Variants in ARHGAP35 observed in about 807,000 individuals in gnomAD.
ARHGAP35 encodes the protein rho GTPase-activating protein 35.
Under a neutral mutation model 111.1 loss-of-function variants are expected in ARHGAP35, and 15 were observed. The observed-to-expected ratio is 0.13, with a 90% CI of 0.09 to 0.21. The LOEUF is 0.21. Among genes scored for constraint, ARHGAP35 ranks in the 10% least tolerant of loss-of-function variants. The pLI, the probability that ARHGAP35 is intolerant of heterozygous loss-of-function variation, is 1.00. For synonymous variants in ARHGAP35, 643 were observed against 710.3 expected, an observed-to-expected ratio of 0.91 and a Z score of 1.51; for missense variants, 1,262 against 1,873.0, an observed-to-expected ratio of 0.67 and a Z score of 6.02.
chr19:46,943,440 C>G (rs967539247), intron 3 of ARHGAP35, among the ~76,000 whole-genome samples: 1 of 152,108 alleles, frequency 6.6e-6, no homozygotes, highest in African/African-American at 2.4e-5. Context: ...AATAATTGAA[C>G]GAATTGTGAG....
intron 1 of ARHGAP35, among the ~76,000 whole-genome samples, chr19:46,876,325 G>C (rs529465571): frequency 6.6e-6 from 1 of 151,688 alleles, no homozygotes; most frequent in Non-Finnish European, 1.5e-5. Flanking sequence ...CCTCTGAGTA[G>C]CTGGGACCAC....
chr19:46,983,645 G>A (rs1030926023), intron 3 of ARHGAP35, among the ~76,000 whole-genome samples: 12 of 116,526 alleles, frequency 1.0e-4, no homozygotes, highest in Non-Finnish European at 1.9e-4. Context: ...ACAGAGTCTC[G>A]CTTTGTCACC....
At chr19:46,966,275 G>A (rs1031513873) in intron 3 of ARHGAP35, among the ~76,000 whole-genome samples, 14 of 152,190 alleles carry the variant, frequency 9.2e-5, no homozygotes, top group African/African-American at 2.9e-4. Context: ...GAGGCCAGGC[G>A]CAGTGGCTCA....
intron 3 of ARHGAP35, chr19:46,948,953 C>T (rs577743564): frequency 9.9e-5 from 15 of 152,264 alleles, no homozygotes; most frequent in African/African-American, 3.6e-4. Context: ...GTCAGGAGAT[C>T]AAGACCATCC....
At chr19:46,867,736 A>C (rs2055866092) in intron 1 of ARHGAP35, among the ~76,000 whole-genome samples, 1 of 152,108 alleles carries the variant, frequency 6.6e-6, no homozygotes, top group African/African-American at 2.4e-5. Context: ...TGTTGACAGA[A>C]GATAAACAGG....
Position 46,921,954 on chromosome 19 carries a change from T to C in ARHGAP35, c.3279T>C (p.Ala1093=). Residue 1093 remains alanine (A), a synonymous_variant, in exon 2 of 7, where the codon GCT becomes GCC. Transcript: ENST00000672722. The surrounding 1 kb of genome is among the most constrained non-coding windows in gnomAD (Gnocchi z 4.3). ...DPSDYAEPMD[A]VVKPRNEEEN... is the part of the protein sequence containing the mutation. ...CTGACTATGCTGAACCCATGGATGC[T>C]GTGGTGAAGCCAAGGAATGAAGAAG... The C allele has an allele frequency of 6.2e-7, 1 of 1,613,988 alleles. No homozygotes were observed. Among genetic ancestry groups the C allele is most frequent in the Non-Finnish European group, 8.5e-7 (1 of 1,179,884 alleles).
rs1422740595 is a variant in ARHGAP35 at position 46,948,861 on chromosome 19, A to G, written c.3826+11453A>G. On this transcript the variant is annotated intron_variant, in intron 3 of 6. Coordinates refer to ENST00000672722, the MANE Select transcript of ARHGAP35 (RefSeq NM_004491.5). ...TGATCATTTCACTCATGTATTACATATTTCAAAATTATCGGGCCAGGCGCG... is the reference window on the plus strand; with the variant it reads ...TGATCATTTCACTCATGTATTACATGTTTCAAAATTATCGGGCCAGGCGCG... 6 of 152,342 alleles carry G rather than the reference A, an allele frequency of 3.9e-5. No individual in the cohort carries two copies. In the East Asian group the frequency reaches 1.2e-3, roughly 29 times the overall value. The allele number at this position is 152,342 out of a possible 1,614,324, so 9.4% of individuals were successfully genotyped here. A position where few individuals can be genotyped will look rare whatever the true frequency, so the allele number is the denominator to read the frequency against.
intron 2 of ARHGAP35, among the ~76,000 whole-genome samples, chr19:46,936,891 A>G (rs2056311534): frequency 6.7e-6 from 1 of 149,564 alleles, no homozygotes; most frequent in Non-Finnish European, 1.5e-5. Context: ...CCAGGCTGGA[A>G]TACAGTGGCG....
intron 1 of ARHGAP35, among the ~76,000 whole-genome samples, chr19:46,871,455 G>A (rs1186948074): frequency 6.6e-6 from 1 of 152,098 alleles, no homozygotes; most frequent in African/African-American, 2.4e-5. Flanking sequence ...CAGTTCTCCT[G>A]CCTCAGCCTC....
rs564840187 is a variant in ARHGAP35 at position 47,000,846 on chromosome 19, C to T, written c.*158C>T. On this transcript the variant is annotated 3_prime_UTR_variant, in exon 7 of 7. Coordinates refer to ENST00000672722, the MANE Select transcript of ARHGAP35 (RefSeq NM_004491.5). The surrounding 1 kb of genome is among the most constrained non-coding windows in gnomAD (Gnocchi z 6.9). ...CAGTGGGAGCACCAGCCAATGGTAC[C>T]ATCGGCTGGGCTGCCAGGTACCCTG... The T allele has an allele frequency of 9.8e-6, 15 of 1,538,386 alleles. No homozygotes were observed. Among genetic ancestry groups the T allele is most frequent in the Non-Finnish European group, 1.3e-5 (15 of 1,146,772 alleles).
At chr19:46,965,824 T>C (rs2056512265) in intron 3 of ARHGAP35, among the ~76,000 whole-genome samples, 1 of 152,234 alleles carries the variant, frequency 6.6e-6, no homozygotes, top group Non-Finnish European at 1.5e-5. Context: ...ATTCCCATAA[T>C]TGCTGTCTTT....
At chr19:46,878,410 G>A (rs188014342) in intron 1 of ARHGAP35, among the ~76,000 whole-genome samples, 2 of 151,904 alleles carry the variant, frequency 1.3e-5, no homozygotes, top group East Asian at 1.9e-4. Context: ...AACGTCTCTC[G>A]GGTTCAAGCA....
intron 1 of ARHGAP35, among the ~76,000 whole-genome samples, chr19:46,869,207 A>C (rs1298615692): frequency 1.4e-4 from 22 of 152,086 alleles, no homozygotes; most frequent in Admixed American, 1.2e-3. Flanking sequence ...ACATCTGGAC[A>C]TGATACTTTA....
At chr19:46,950,940 G>T (rs1213679962) in intron 3 of ARHGAP35, among the ~76,000 whole-genome samples, 1 of 152,238 alleles carries the variant, frequency 6.6e-6, no homozygotes, top group Non-Finnish European at 1.5e-5. Flanking sequence ...GTTCAGCCTT[G>T]TGGGCAGTTT....
chr19:46,922,100 C>T lies in ARHGAP35; in HGVS notation c.3425C>T (p.Ser1142Phe), dbSNP rs761089870. 1 of 1,614,052 alleles carries T rather than the reference C, an allele frequency of 6.2e-7. No individual in the cohort carries two copies. Among genetic ancestry groups the T allele is most frequent in the Non-Finnish European group, 8.5e-7 (1 of 1,179,900 alleles). ...TCTGACAGTGAAATGGACACCAGCTCTCTAGAGCGAGGGCGCAAGGTTTCC... is the reference window on the plus strand; with the variant it reads ...TCTGACAGTGAAATGGACACCAGCTTTCTAGAGCGAGGGCGCAAGGTTTCC... ...NGSDSEMDTS[S>F]LERGRKVSIV... Residue 1142 changes from serine (S) to phenylalanine (F), a missense_variant, in exon 2 of 7, where the codon TCT becomes TTT. Ser to Phe is a radical substitution (Grantham distance 155, BLOSUM62 -2). Coordinates refer to ENST00000672722, the MANE Select transcript of ARHGAP35 (RefSeq NM_004491.5). The surrounding 1 kb of genome is among the most constrained non-coding windows in gnomAD (Gnocchi z 4.0).
At chr19:46,957,255 C>G (rs1409044502) in intron 3 of ARHGAP35, among the ~76,000 whole-genome samples, 1 of 152,116 alleles carries the variant, frequency 6.6e-6, no homozygotes, top group Non-Finnish European at 1.5e-5. Flanking sequence ...GCCACTGCGC[C>G]CGGCCAAAGC....
chr19:46,895,715 C>T (rs1282531894), intron 1 of ARHGAP35, among the ~76,000 whole-genome samples: 1 of 152,136 alleles, frequency 6.6e-6, no homozygotes, highest in Non-Finnish European at 1.5e-5. Flanking sequence ...CATATTGAAT[C>T]CTCTGACTTT....
intron 2 of ARHGAP35, among the ~76,000 whole-genome samples, chr19:46,927,353 G>T (rs2056244376): frequency 6.6e-6 from 1 of 152,194 alleles, no homozygotes; most frequent in African/African-American, 2.4e-5. Flanking sequence ...AATATTACCA[G>T]AGGGAAGGTA....
At chr19:46,951,397 A>G (rs2122246958) in intron 3 of ARHGAP35, among the ~76,000 whole-genome samples, 1 of 152,262 alleles carries the variant, frequency 6.6e-6, no homozygotes, top group Admixed American at 6.5e-5. Context: ...CTTTTGAGGC[A>G]TGCCCTTGGG....
Sources: allele counts gnomAD v4.1 joint callset (sites outside exome capture counted in the v4.1 genomes callset), GRCh38; gene constraint gnomAD v4.1.1; non-coding constraint Gnocchi (gnomAD v3.1); transcripts MANE v1.5; gene names NCBI Gene and HGNC (gene_info 2026-07-23, HGNC 2026-07-21).